The following MAPK10 variants were observed in gnomAD, a reference collection of about 807,000 sequenced individuals.
MAPK10 encodes mitogen-activated protein kinase 10, also known as JNK3 alpha protein kinase.
MAPK10 carries 25 observed loss-of-function variants against 59.3 expected under a neutral mutation model. That is an observed-to-expected ratio of 0.42 (90% confidence interval 0.31 to 0.59). MAPK10 has a LOEUF of 0.59. MAPK10 is among the 20% of genes least tolerant of loss of function. The pLI, the probability that MAPK10 is intolerant of heterozygous loss-of-function variation, is 0.15. For synonymous variants in MAPK10, 190 were observed against 200.5 expected, an observed-to-expected ratio of 0.95 and a Z score of 0.44; for missense variants, 351 against 568.9, an observed-to-expected ratio of 0.62 and a Z score of 3.90.
intron 1 of MAPK10, among the ~76,000 whole-genome samples, chr4:86,462,351 T>C (rs1329744225): frequency 6.6e-6 from 1 of 152,212 alleles, no homozygotes; most frequent in Non-Finnish European, 1.5e-5. Flanking sequence ...GGAGAGCCTA[T>C]AACACAGCTC....
intron 9 of MAPK10, among the ~76,000 whole-genome samples, chr4:86,087,451 CCCT>C (rs2052131609): frequency 6.6e-6 from 1 of 152,032 alleles, no homozygotes; most frequent in South Asian, 2.1e-4. Context: ...TTTTTAAAAT[CCCT>C]CCTGATTTTT....
Position 86,106,371 on chromosome 4 carries a change from C to T in MAPK10, c.366+852G>A, listed in dbSNP as rs112977123. 7.0e-4 allele frequency among the ~76,000 whole-genome samples: 105 copies of T among 150,874 alleles called. No individual in the cohort carries two copies. In the Middle Eastern group the frequency reaches 0.024, roughly 34 times the overall value. On this transcript the variant is annotated intron_variant, in intron 5 of 13. Coordinates refer to ENST00000641462, the MANE Select transcript of MAPK10 (RefSeq NM_138982.4). ...GCTATTATACTATAGAATAATTTTA[C>T]TTGTAATGAAGTTATCTTTTGATTT...
chr4:86,118,360 T>G (rs868059956), intron 4 of MAPK10, among the ~76,000 whole-genome samples: 2 of 152,098 alleles, frequency 1.3e-5, no homozygotes, highest in African/African-American at 4.8e-5. Context: ...AAAATGGAGA[T>G]AGGTCTTTAT....
chr4:86,579,532 C>CACACAT (rs1762121784), intron 1 of MAPK10, among the ~76,000 whole-genome samples: 1 of 137,840 alleles, frequency 7.3e-6, no homozygotes, highest in Non-Finnish European at 1.6e-5. Context: ...CACACACACA[C>CACACAT]ACACACACAC....
chr4:86,348,602 G>A (rs1373299777), intron 2 of MAPK10, among the ~76,000 whole-genome samples: 2 of 152,010 alleles, frequency 1.3e-5, no homozygotes, highest in East Asian at 1.9e-4. Flanking sequence ...CCATGAAGAT[G>A]GTTAAATACT....
intron 1 of MAPK10, among the ~76,000 whole-genome samples, chr4:86,585,762 C>A (rs1762616277): frequency 6.6e-6 from 1 of 152,168 alleles, no homozygotes; most frequent in African/African-American, 2.4e-5. Context: ...AGATTAATAA[C>A]TAGTCTCTGT....
chr4:86,181,108 T>C (rs1479750286), intron 3 of MAPK10, among the ~76,000 whole-genome samples: 1 of 152,110 alleles, frequency 6.6e-6, no homozygotes, highest in African/African-American at 2.4e-5. Context: ...TCCATAAACA[T>C]GTATGATTGT....
intron 1 of MAPK10, among the ~76,000 whole-genome samples, chr4:86,481,311 T>C (rs1476564286): frequency 6.6e-6 from 1 of 152,064 alleles, no homozygotes; most frequent in Non-Finnish European, 1.5e-5. Context: ...TTCAGAGGCC[T>C]TCTAATCTCC....
intron 2 of MAPK10, among the ~76,000 whole-genome samples, chr4:86,303,604 G>C (rs2095508534): frequency 6.6e-6 from 1 of 152,186 alleles, no homozygotes; most frequent in Non-Finnish European, 1.5e-5. Flanking sequence ...GGGAAATAGA[G>C]AATGCCACAC....
rs919572694 is a variant in MAPK10, at chr4:86,017,732, T to C, written c.1253-362A>G. On this transcript the variant is annotated intron_variant, in intron 13 of 13. Coordinates refer to ENST00000641462, the MANE Select transcript of MAPK10 (RefSeq NM_138982.4). This position sits in a 1 kb window ranked among gnomAD's most constrained non-coding sequence, Gnocchi z 4.4. ...CAAGGTATTTGCATTTTTATTTATT[T>C]ATTTTTTTTGAGATGGAGTCTCGCT... 1.3e-5 allele frequency among the ~76,000 whole-genome samples: 2 copies of C among 152,194 alleles called. No individual in the cohort carries two copies. Among genetic ancestry groups the C allele is most frequent in the African/African-American group, 4.8e-5 (2 of 41,444 alleles).
chr4:86,039,769 A>G (rs2041120272), intron 11 of MAPK10, among the ~76,000 whole-genome samples: 1 of 152,152 alleles, frequency 6.6e-6, no homozygotes, highest in Non-Finnish European at 1.5e-5. Context: ...GTAGGCAAAT[A>G]TTTGCAGACA....
rs558739272 is a variant in MAPK10, at chr4:86,382,102, C to T, written c.-121-27458G>A. On this transcript the variant is annotated intron_variant, in intron 1 of 13. Coordinates refer to the MAPK10 transcript ENST00000361569. The stretch of plus-strand genomic sequence containing the variant: ...CATCCTGGCCTCTGTCAGCTAGATG[C>T]CTCCCAGTTATGACAATGAAAAATG... 1.6e-4 allele frequency among the ~76,000 whole-genome samples: 25 copies of T among 152,216 alleles called. No individual in the cohort carries two copies. The South Asian group carries it at 5.0e-3, about 30-fold the overall frequency.
Position 86,436,036 on chromosome 4 carries a change from A to G in MAPK10, c.-122+16994T>C, listed in dbSNP as rs569584089. ...TAAAAATTCCTATACAGAAGCTGAAATCAACTTCTTTTTTTCTTTACCTTT... is the reference window on the plus strand; with the variant it reads ...TAAAAATTCCTATACAGAAGCTGAAGTCAACTTCTTTTTTTCTTTACCTTT... On this transcript the variant is annotated intron_variant, in intron 1 of 13. Coordinates refer to the MAPK10 transcript ENST00000361569. Among the ~76,000 whole-genome samples, 9 of 152,316 alleles carry G rather than the reference A, an allele frequency of 5.9e-5. No individual in the cohort carries two copies. In the South Asian group the frequency reaches 1.9e-3, roughly 32 times the overall value.
intron 1 of MAPK10, among the ~76,000 whole-genome samples, chr4:86,555,116 T>C: frequency 6.6e-6 from 1 of 152,254 alleles, no homozygotes. Flanking sequence ...AATTTGTTTA[T>C]TCATGTGTTT....
At chr4:86,246,005 CAGACATGATTAAT>C (rs1448386060) in intron 2 of MAPK10, among the ~76,000 whole-genome samples, 1 of 152,120 alleles carries the variant, frequency 6.6e-6, no homozygotes, top group Non-Finnish European at 1.5e-5. Flanking sequence ...TCTTACTTTC[CAGACATGATTAAT>C]AGACAGTTAA....
intron 11 of MAPK10, among the ~76,000 whole-genome samples, chr4:86,035,163 G>A (rs1331123957): frequency 6.6e-6 from 1 of 151,864 alleles, no homozygotes; most frequent in Non-Finnish European, 1.5e-5. Context: ...TTGAAGTCAG[G>A]AGTTCAAGAC....
At chr4:86,039,326 T>C (rs1488697576) in intron 11 of MAPK10, among the ~76,000 whole-genome samples, 1 of 152,052 alleles carries the variant, frequency 6.6e-6, no homozygotes, top group African/African-American at 2.4e-5. Flanking sequence ...TTCCCCCAAT[T>C]ACCAGACAGC....
At chr4:86,355,099 G>A (rs1329973654) in intron 1 of MAPK10, among the ~76,000 whole-genome samples, 1 of 152,082 alleles carries the variant, frequency 6.6e-6, no homozygotes, top group African/African-American at 2.4e-5. Context: ...ACCTAAGCTG[G>A]AGCTCATCTG....
chr4:86,507,662 ATATATATAT>A (rs1755893225), intron 1 of MAPK10, among the ~76,000 whole-genome samples: 4 of 111,118 alleles, frequency 3.6e-5, no homozygotes, highest in African/African-American at 1.5e-4. Flanking sequence ...ATATATATAT[ATATATATAT>A]AAAATCATGT....
Sources: gnomAD v4.1 joint callset for allele counts (sites outside exome capture counted in the v4.1 genomes callset) on GRCh38, gnomAD v4.1.1 for gene constraint, Gnocchi (gnomAD v3.1) non-coding constraint, MANE v1.5 for transcripts, NCBI Gene and HGNC (gene_info 2026-07-23, HGNC 2026-07-21) for gene names.